Variants in TRPC6 observed in about 807,000 individuals in gnomAD.
TRPC6 encodes transient receptor potential cation channel subfamily C member 6, also known as short transient receptor potential channel 6.
In TRPC6, 55 loss-of-function variants were observed where a neutral mutation model predicts 90.7. That is an observed-to-expected ratio of 0.61 (90% CI 0.49 to 0.76). TRPC6 has a LOEUF of 0.76. TRPC6 is among the 30% of genes least tolerant of loss of function. TRPC6 has a pLI of 0.00. For synonymous variants in TRPC6, 393 were observed against 393.0 expected (o/e 1.00, Z 0.00); for missense variants, 989 against 1,122.7 (o/e 0.88, Z 1.70).
At chr11:101,543,009 A>G (rs988382864) in intron 1 of TRPC6, among the ~76,000 whole-genome samples, 12 of 152,188 alleles carry the variant, frequency 7.9e-5, no homozygotes, top group African/African-American at 2.4e-4. Flanking sequence ...TTATAGACAG[A>G]AAATATTTAC....
chr11:101,524,103 T>A (rs761821456), intron 1 of TRPC6, among the ~76,000 whole-genome samples: 2 of 152,322 alleles, frequency 1.3e-5, no homozygotes, highest in African/African-American at 4.8e-5. Context: ...ATTCCTCCAA[T>A]GTAAAAGTAG....
intron 1 of TRPC6, among the ~76,000 whole-genome samples, chr11:101,513,020 G>A (rs2136761175): frequency 6.6e-6 from 1 of 152,348 alleles, no homozygotes. Context: ...ACCATGAAGT[G>A]CCCACATCTA....
At chr11:101,484,395 T>G (rs7942339) in intron 4 of TRPC6, among the ~76,000 whole-genome samples, 19,241 of 152,170 alleles carry the variant, frequency 0.13, 1,700 homozygotes, top group African/African-American at 0.25. Context: ...GAATTATCTT[T>G]TAAGACTCGG....
chr11:101,506,081 T>G (rs1032696422), intron 1 of TRPC6, among the ~76,000 whole-genome samples: 9 of 151,968 alleles, frequency 5.9e-5, no homozygotes, highest in Non-Finnish European at 1.2e-4. Context: ...TAATGAAGAT[T>G]TTTTCGTTAT....
At chr11:101,487,083 C>A (rs1224779687) in intron 4 of TRPC6, among the ~76,000 whole-genome samples, 1 of 152,032 alleles carries the variant, frequency 6.6e-6, no homozygotes, top group Non-Finnish European at 1.5e-5. Flanking sequence ...AGAATTCAAT[C>A]AAAATTTAAG....
chr11:101,525,530 G>T (rs535836685), intron 1 of TRPC6, among the ~76,000 whole-genome samples: 1 of 152,310 alleles, frequency 6.6e-6, no homozygotes, highest in African/African-American at 2.4e-5. Context: ...AGACCTACAG[G>T]ATGAGTATGA....
At chr11:101,481,445 G>A (rs529995605) in intron 5 of TRPC6, among the ~76,000 whole-genome samples, 5 of 152,162 alleles carry the variant, frequency 3.3e-5, no homozygotes, top group East Asian at 3.9e-4. Flanking sequence ...TTCTATTACC[G>A]AATGGACATT....
chr11:101,514,564 A>G (rs115767813), intron 1 of TRPC6, among the ~76,000 whole-genome samples: 2,235 of 152,308 alleles, frequency 0.015, 59 homozygotes, highest in African/African-American at 0.049. Context: ...TCCCATCCCC[A>G]ACAGGATTTC....
Position 101,551,865 on chromosome 11 carries a change from G to T in TRPC6, c.170+31469C>A, listed in dbSNP as rs568408371. 2.0e-5 allele frequency among the ~76,000 whole-genome samples: 3 copies of T among 152,190 alleles called. No homozygotes were observed. The East Asian group carries it at 5.8e-4, about 29-fold the overall frequency. On this transcript the variant is annotated intron_variant, in intron 1 of 12. Coordinates refer to ENST00000344327, the MANE Select transcript of TRPC6 (RefSeq NM_004621.6). ...GTTATTGCTCATTACAAAAGATTTA[G>T]GTTCTCTAAGCTCAGAGATCCTTTC... is the stretch of plus-strand genomic sequence containing the variant.
intron 1 of TRPC6, among the ~76,000 whole-genome samples, chr11:101,578,110 G>C (rs755655004): frequency 6.6e-6 from 1 of 152,174 alleles, no homozygotes; most frequent in Non-Finnish European, 1.5e-5. Context: ...GCTAGGCACT[G>C]TGTTAAGATA....
chr11:101,539,359 T>C (rs1339872398), intron 1 of TRPC6, among the ~76,000 whole-genome samples: 2 of 152,216 alleles, frequency 1.3e-5, no homozygotes, highest in Non-Finnish European at 2.9e-5. Context: ...TCAGCTGCTG[T>C]TCTCAGACTG....
At chr11:101,513,532 C>T (rs958484763) in intron 1 of TRPC6, among the ~76,000 whole-genome samples, 10 of 151,956 alleles carry the variant, frequency 6.6e-5, no homozygotes, top group Admixed American at 1.3e-4. Context: ...AGATTTTAAA[C>T]TACTAGAGAG....
chr11:101,491,835 T>TG (rs1565215201), intron 2 of TRPC6, 97 bp from the exon 3 acceptor site: 152 of 817,618 alleles, frequency 1.9e-4, no homozygotes, highest in Non-Finnish European at 2.4e-4. Flanking sequence ...AGAGAAACAT[T>TG]CTTTTTTTTT....
chr11:101,577,306 A>C (rs929485740), intron 1 of TRPC6, among the ~76,000 whole-genome samples: 3 of 136,202 alleles, frequency 2.2e-5, no homozygotes, highest in Admixed American at 7.2e-5. Flanking sequence ...TTCACTTACC[A>C]TTCAATAAAT....
rs1351040122 is a variant in TRPC6 at position 101,451,998 on chromosome 11, A to C, written c.*957T>G. ...GGATAGAACATATTGAAAATAACAG[A>C]TAAGTATTTACAAATTCTCACCTTA... On this transcript the variant is annotated 3_prime_UTR_variant, in exon 13 of 13. Coordinates refer to ENST00000344327, the MANE Select transcript of TRPC6 (RefSeq NM_004621.6). The C allele has an allele frequency of 1.3e-5, 2 of 152,216 alleles. No individual in the cohort carries two copies. Among genetic ancestry groups the C allele is most frequent in the Non-Finnish European group, 2.9e-5 (2 of 68,028 alleles). 9.4% of individuals were successfully genotyped at this position (152,216 alleles called of 1,614,324 possible). A position where few individuals can be genotyped will look rare whatever the true frequency, so the allele number is the denominator to read the frequency against.
intron 1 of TRPC6, among the ~76,000 whole-genome samples, chr11:101,537,296 T>G (rs1299934867): frequency 6.6e-6 from 1 of 152,292 alleles, no homozygotes; most frequent in Admixed American, 6.5e-5. Flanking sequence ...CCACATATAT[T>G]CATTTACTTT....
intron 1 of TRPC6, among the ~76,000 whole-genome samples, chr11:101,512,842 C>A (rs1860426170): frequency 6.6e-6 from 1 of 152,036 alleles, no homozygotes; most frequent in Non-Finnish European, 1.5e-5. Context: ...CTTCTATTAC[C>A]AATGACTGCC....
intron 2 of TRPC6, among the ~76,000 whole-genome samples, chr11:101,495,818 T>C (rs1342598573): frequency 6.6e-6 from 1 of 152,106 alleles, no homozygotes; most frequent in Non-Finnish European, 1.5e-5. Flanking sequence ...TAGATACCAC[T>C]CTCTTATTAA....
At chr11:101,538,337 T>G (rs1414177005) in intron 1 of TRPC6, among the ~76,000 whole-genome samples, 1 of 152,178 alleles carries the variant, frequency 6.6e-6, no homozygotes, top group African/African-American at 2.4e-5. Context: ...TTTCTTTGAA[T>G]TTTTAGGAGG....
Sources: gnomAD v4.1 joint callset for allele counts (sites outside exome capture counted in the v4.1 genomes callset) on GRCh38, gnomAD v4.1.1 for gene constraint, MANE v1.5 for transcripts, NCBI Gene and HGNC (gene_info 2026-07-23, HGNC 2026-07-21) for gene names.